TFDP2: variants seen among roughly 807,000 people sequenced by gnomAD.
TFDP2 encodes transcription factor Dp-2 (E2F dimerization partner 2).
In TFDP2, 17 loss-of-function variants were observed where a neutral mutation model predicts 59.3. That is an observed-to-expected ratio of 0.29 (90% CI 0.20 to 0.43). The LOEUF is 0.43. Among genes scored for constraint, TFDP2 ranks in the 20% least tolerant of loss-of-function variants. The pLI is 1.00. For synonymous variants in TFDP2, 180 were observed against 194.7 expected, an observed-to-expected ratio of 0.92 and a Z score of 0.63; for missense variants, 391 against 528.8, an observed-to-expected ratio of 0.74 and a Z score of 2.56.
intron 8 of TFDP2, among the ~76,000 whole-genome samples, chr3:141,970,733 C>T (rs1305485048): frequency 6.6e-6 from 1 of 152,206 alleles, no homozygotes; most frequent in Non-Finnish European, 1.5e-5. Context: ...TTAGCTGACT[C>T]TCCAATGAGG....
intron 3 of TFDP2, among the ~76,000 whole-genome samples, chr3:142,089,222 T>C (rs547415490): frequency 2.7e-5 from 4 of 145,830 alleles, no homozygotes; most frequent in Admixed American, 6.9e-5. Flanking sequence ...TTTCACCCTC[T>C]CTCCTCAGTA....
intron 6 of TFDP2, among the ~76,000 whole-genome samples, chr3:141,987,197 TCTC>T (rs1942190589): frequency 6.6e-6 from 1 of 152,208 alleles, no homozygotes. Context: ...AACTAGGGAT[TCTC>T]CTTGTTTCTT....
intron 9 of TFDP2, among the ~76,000 whole-genome samples, chr3:141,964,374 G>T (rs1025239305): frequency 6.6e-6 from 1 of 152,178 alleles, no homozygotes; most frequent in African/African-American, 2.4e-5. Flanking sequence ...GAGGGAGGCT[G>T]GGCACAGTGG....
chr3:141,974,338 G>C, intron 7 of TFDP2, 147 bp from the exon 8 acceptor site: 1 of 567,734 alleles, frequency 1.8e-6, no homozygotes, highest in Non-Finnish European at 2.8e-6. Flanking sequence ...ACATCCAAAA[G>C]AATTCTATAT....
At chr3:141,985,941 C>A (rs915803887) in intron 6 of TFDP2, among the ~76,000 whole-genome samples, 1 of 152,064 alleles carries the variant, frequency 6.6e-6, no homozygotes, top group African/African-American at 2.4e-5. Flanking sequence ...TAATGAGGTA[C>A]CATTTCACAA....
chr3:142,081,840 G>C (rs1002244685), intron 3 of TFDP2, among the ~76,000 whole-genome samples: 1 of 152,092 alleles, frequency 6.6e-6, no homozygotes, highest in Non-Finnish European at 1.5e-5. Context: ...GTAATAAAAA[G>C]GCTTTCAGTA....
intron 3 of TFDP2, 114 bp downstream of exon 3, chr3:142,092,947 G>T (rs1447502118): frequency 2.9e-6 from 2 of 695,406 alleles, no homozygotes; most frequent in Non-Finnish European, 4.6e-6. Flanking sequence ...ATGGAACAAC[G>T]TGCTAATATC....
intron 6 of TFDP2, among the ~76,000 whole-genome samples, chr3:141,984,085 C>T (rs987348747): frequency 6.6e-6 from 1 of 152,072 alleles, no homozygotes; most frequent in Middle Eastern, 3.2e-3. Context: ...AATGGATAAA[C>T]AGATAAAATG....
intron 3 of TFDP2, among the ~76,000 whole-genome samples, chr3:142,077,764 T>C (rs1371789834): frequency 1.3e-5 from 2 of 152,044 alleles, no homozygotes; most frequent in African/African-American, 2.4e-5. Flanking sequence ...AGCTGGGTCA[T>C]ATGAGAAACT....
intron 10 of TFDP2, among the ~76,000 whole-genome samples, chr3:141,962,025 T>G (rs1160224998): frequency 6.6e-6 from 1 of 152,148 alleles, no homozygotes; most frequent in Non-Finnish European, 1.5e-5. Flanking sequence ...CTTGGGTCAC[T>G]GCAACCTCTG....
chr3:142,055,523 A>C (rs567883784), intron 3 of TFDP2, among the ~76,000 whole-genome samples: 12 of 152,322 alleles, frequency 7.9e-5, no homozygotes, highest in African/African-American at 2.6e-4. Flanking sequence ...AGATAAGAAA[A>C]TCGACATTTT....
chr3:142,077,324 C>A (rs1183569810), intron 3 of TFDP2, among the ~76,000 whole-genome samples: 1 of 152,158 alleles, frequency 6.6e-6, no homozygotes, highest in African/African-American at 2.4e-5. Context: ...ATCGGGGGCA[C>A]ACAACCTAGT....
intron 6 of TFDP2, chr3:141,989,196 CG>C (rs1942471901): frequency 6.6e-6 from 1 of 152,118 alleles, no homozygotes. Context: ...TTCATGTTCA[CG>C]AATGTTGGAT....
In TFDP2 at chr3:141,950,901, T is replaced by G. The variant is rs1039036173; in HGVS notation, c.*1612A>C. ...GTACTATGGCTTATTTCTGACAGAA[T>G]GAAACTTTTGTATCAAAGGAGCTTC... On this transcript the variant is annotated 3_prime_UTR_variant, in exon 13 of 13. Transcript: ENST00000489671. 32 of 152,278 alleles carry G rather than the reference T, an allele frequency of 2.1e-4. No homozygotes were observed. The highest frequency in any genetic ancestry group is 7.2e-4 in the African/African-American group (30 of 41,470). 9.4% of individuals were successfully genotyped at this position (152,278 alleles called of 1,614,324 possible).
chr3:142,052,096 G>A (rs564121125), intron 3 of TFDP2, among the ~76,000 whole-genome samples: 101 of 152,060 alleles, frequency 6.6e-4, no homozygotes, highest in African/African-American at 2.3e-3. Flanking sequence ...ACTGCACTCC[G>A]GCCAAGCAAG....
chr3:142,115,646 G>C (rs2061831520), intron 1 of TFDP2, among the ~76,000 whole-genome samples: 1 of 152,174 alleles, frequency 6.6e-6, no homozygotes, highest in Non-Finnish European at 1.5e-5. Flanking sequence ...ATAAGTACCT[G>C]CATGTAGAGA....
chr3:142,016,806 C>T (rs1275353636), intron 3 of TFDP2, among the ~76,000 whole-genome samples: 5 of 152,226 alleles, frequency 3.3e-5, no homozygotes, highest in Admixed American at 6.5e-5. Context: ...GATCCCACTA[C>T]ATGGAGGAGT....
chr3:142,121,438 G>C lies in TFDP2; in HGVS notation c.-92-19597C>G, dbSNP rs573333310. Among the ~76,000 whole-genome samples, 2 of 152,286 alleles carry C rather than the reference G, an allele frequency of 1.3e-5. No individual in the cohort carries two copies. The highest frequency in any genetic ancestry group is 4.1e-4 in the South Asian group (2 of 4,828). On this transcript the variant is annotated intron_variant, in intron 1 of 12. Transcript: ENST00000489671. This position sits in a 1 kb window ranked among gnomAD's most constrained non-coding sequence, Gnocchi z 4.3. ...TAATTCAGCTAAAGGGTGGGAATCA[G>C]GTTCTAACTCGAGTTAAATTAGTAA...
intron 3 of TFDP2, among the ~76,000 whole-genome samples, chr3:142,076,905 T>G (rs111657796): frequency 6.6e-6 from 1 of 152,274 alleles, no homozygotes; most frequent in African/African-American, 2.4e-5. Flanking sequence ...GCGATCATAA[T>G]ACCTGGTTTT....
Sources: allele counts gnomAD v4.1 joint callset (sites outside exome capture counted in the v4.1 genomes callset), GRCh38; gene constraint gnomAD v4.1.1; non-coding constraint Gnocchi (gnomAD v3.1); transcripts MANE v1.5; gene names NCBI Gene and HGNC (gene_info 2026-07-23, HGNC 2026-07-21).